The following GRIK4 variants were observed in gnomAD, a reference collection of about 807,000 sequenced individuals.
GRIK4 encodes the protein glutamate receptor ionotropic, kainate 4.
A neutral mutation model predicts 104.9 loss-of-function variants in GRIK4; 40 were observed. That is an observed-to-expected ratio of 0.38 (90% CI 0.30 to 0.50). The LOEUF is 0.50. Among genes scored for constraint, GRIK4 ranks in the 20% least tolerant of loss-of-function variants. The pLI, the probability that GRIK4 is intolerant of heterozygous loss-of-function variation, is 0.93. For synonymous variants in GRIK4, 485 were observed against 524.9 expected (o/e 0.92, Z 1.04); for missense variants, 1,047 against 1,308.1 (o/e 0.80, Z 3.08).
chr11:120,856,946 G>A (rs1954120885), intron 8 of GRIK4, among the ~76,000 whole-genome samples: 4 of 152,080 alleles, frequency 2.6e-5, no homozygotes, highest in African/African-American at 9.7e-5. Flanking sequence ...GCTTCCCCTA[G>A]ACCTCCCTTG....
At chr11:120,808,019 A>G (rs1040672696) in intron 4 of GRIK4, among the ~76,000 whole-genome samples, 2 of 152,224 alleles carry the variant, frequency 1.3e-5, no homozygotes, top group African/African-American at 4.8e-5. Flanking sequence ...GCCAGACCTT[A>G]GAATGTTGAT....
chr11:120,974,389 C>A (rs551482192), intron 19 of GRIK4, among the ~76,000 whole-genome samples: 36 of 152,194 alleles, frequency 2.4e-4, no homozygotes, highest in Non-Finnish European at 4.6e-4. Flanking sequence ...ATGGAATGGG[C>A]AGAGAGGGAT....
At chr11:120,580,694 C>T (rs892584313) in intron 1 of GRIK4, among the ~76,000 whole-genome samples, 5 of 152,050 alleles carry the variant, frequency 3.3e-5, no homozygotes, top group Admixed American at 1.3e-4. Flanking sequence ...TCAGCCTCCC[C>T]GGTAGCTGGG....
At chr11:120,979,105 G>C (rs1241076205) in intron 19 of GRIK4, among the ~76,000 whole-genome samples, 1 of 152,196 alleles carries the variant, frequency 6.6e-6, no homozygotes, top group Non-Finnish European at 1.5e-5. Context: ...GAGCTTAAAA[G>C]CTTTTTGAGT....
At position 120,710,646 on chromosome 11, in the gene GRIK4, C is replaced by T. The variant is rs138093632; in HGVS notation, c.82+50246C>T. Reference sequence around the variant, plus strand: ...GGTTTTTCTGTGCAGGGGTCAAAGGCGATCCCTTTCTCCAGGGAAGAAAGC... The same window carrying T: ...GGTTTTTCTGTGCAGGGGTCAAAGGTGATCCCTTTCTCCAGGGAAGAAAGC... On this transcript the variant is annotated intron_variant, in intron 3 of 20. Transcript: ENST00000527524. Among the ~76,000 whole-genome samples the T allele has an allele frequency of 6.0e-4, 91 of 152,268 alleles. 1 individual carries two copies. The East Asian group carries it at 0.014, about 23-fold the overall frequency.
At chr11:120,522,114 A>T (rs1218491758) in intron 1 of GRIK4, among the ~76,000 whole-genome samples, 1 of 152,194 alleles carries the variant, frequency 6.6e-6, no homozygotes, top group African/African-American at 2.4e-5. Flanking sequence ...TAGAGCCGGG[A>T]TATGAACTAG....
chr11:120,982,028 A>G, intron 19 of GRIK4, 78 bp from the exon 20 acceptor site: 2 of 989,286 alleles, frequency 2.0e-6, no homozygotes, highest in Non-Finnish European at 3.3e-6. Flanking sequence ...TGTTTGAATG[A>G]TTTTAGTATT....
chr11:120,713,319 C>T (rs1301730948), intron 3 of GRIK4, among the ~76,000 whole-genome samples: 1 of 152,138 alleles, frequency 6.6e-6, no homozygotes, highest in African/African-American at 2.4e-5. Context: ...ACACCCCCTC[C>T]CAGTTTTGTG....
At chr11:120,625,492 A>T (rs1245410562) in intron 1 of GRIK4, among the ~76,000 whole-genome samples, 2 of 152,130 alleles carry the variant, frequency 1.3e-5, no homozygotes, top group Non-Finnish European at 2.9e-5. Context: ...CCTGAGCTTC[A>T]TTTTGGTTTA....
At chr11:120,735,075 G>C (rs1450173119) in intron 3 of GRIK4, among the ~76,000 whole-genome samples, 1 of 152,166 alleles carries the variant, frequency 6.6e-6, no homozygotes, top group South Asian at 2.1e-4. Flanking sequence ...GGTCCCTCGT[G>C]CCTTATTTAG....
intron 3 of GRIK4, among the ~76,000 whole-genome samples, chr11:120,786,668 T>A (rs1049893048): frequency 6.6e-6 from 1 of 152,194 alleles, no homozygotes; most frequent in Admixed American, 6.5e-5. Context: ...TGCATGTACA[T>A]ATCAGAGCAG....
intron 20 of GRIK4, among the ~76,000 whole-genome samples, chr11:120,983,118 T>C (rs2134804354): frequency 6.6e-6 from 1 of 152,328 alleles, no homozygotes. Context: ...CTGCAGCAGA[T>C]ACCCCAGTCC....
intron 1 of GRIK4, among the ~76,000 whole-genome samples, chr11:120,653,316 A>C (rs941028048): frequency 5.3e-5 from 8 of 152,218 alleles, no homozygotes; most frequent in Admixed American, 2.0e-4. Context: ...GTTGTAAAAA[A>C]GTGGAAATGA....
intron 3 of GRIK4, among the ~76,000 whole-genome samples, chr11:120,777,327 A>T (rs922943505): frequency 3.7e-4 from 56 of 152,296 alleles, no homozygotes; most frequent in Non-Finnish European, 1.3e-4. Flanking sequence ...TTCTCCAACC[A>T]GTAGATTTCT....
chr11:120,625,477 G>T (rs1591749521), intron 1 of GRIK4, among the ~76,000 whole-genome samples: 1 of 152,142 alleles, frequency 6.6e-6, no homozygotes, highest in Non-Finnish European at 1.5e-5. Flanking sequence ...CTACTCACAG[G>T]CCCTCCTGAG....
At chr11:120,642,111 TC>T (rs1442460472) in intron 1 of GRIK4, among the ~76,000 whole-genome samples, 3 of 152,212 alleles carry the variant, frequency 2.0e-5, no homozygotes, top group Admixed American at 6.5e-5. Flanking sequence ...ACATTATCTG[TC>T]TTGCACACAG....
At chr11:120,648,515 T>A (rs1462202292) in intron 1 of GRIK4, among the ~76,000 whole-genome samples, 1 of 152,138 alleles carries the variant, frequency 6.6e-6, no homozygotes, top group Non-Finnish European at 1.5e-5. Flanking sequence ...TGATCCTGGT[T>A]GGAGGAGTGC....
At chr11:120,977,300 A>C (rs1944577341) in intron 19 of GRIK4, among the ~76,000 whole-genome samples, 2 of 152,316 alleles carry the variant, frequency 1.3e-5, no homozygotes. Context: ...CATCTGAAGA[A>C]GGGAAGGAAA....
chr11:120,613,287 C>T (rs750498426), intron 1 of GRIK4, among the ~76,000 whole-genome samples: 2 of 152,202 alleles, frequency 1.3e-5, no homozygotes, highest in Non-Finnish European at 1.5e-5. Flanking sequence ...TTCTCTGTGT[C>T]TTGTACAAGA....
Sources: gnomAD v4.1 joint callset for allele counts (sites outside exome capture counted in the v4.1 genomes callset) on GRCh38, gnomAD v4.1.1 for gene constraint, MANE v1.5 for transcripts, NCBI Gene and HGNC (gene_info 2026-07-23, HGNC 2026-07-21) for gene names.